Variants in PCDHGA1 observed in about 807,000 individuals in gnomAD.
PCDHGA1 encodes the protein protocadherin gamma subfamily A, 1.
A neutral mutation model predicts 58.0 loss-of-function variants in PCDHGA1; 32 were observed. The observed-to-expected ratio is 0.55, with a 90% CI of 0.42 to 0.74. PCDHGA1 has a LOEUF of 0.74. PCDHGA1 is among the 30% of genes least tolerant of loss of function. PCDHGA1 has a pLI of 0.00. For synonymous variants in PCDHGA1, 498 were observed against 501.1 expected (o/e 0.99, Z 0.08); for missense variants, 1,205 against 1,182.3 (o/e 1.02, Z -0.28).
chr5:141,482,530 C>CAAAAAAAAAAAAAAAAAA (rs3074545), intron 1 of PCDHGA1, among the ~76,000 whole-genome samples: 1 of 76,562 alleles, frequency 1.3e-5, no homozygotes, highest in Non-Finnish European at 2.6e-5. Flanking sequence ...GACAGACATG[C>CAAAAAAAAAAAAAAAAAA]AAAAAAAAAA....
intron 3 of PCDHGA1, among the ~76,000 whole-genome samples, chr5:141,507,714 C>T (rs1425955843): frequency 6.6e-6 from 1 of 152,280 alleles, no homozygotes; most frequent in Non-Finnish European, 1.5e-5. Flanking sequence ...GCCCCAAACC[C>T]TCCAAGCAAG....
rs774858191 is a variant in PCDHGA1 at position 141,413,689 on chromosome 5, C to T, written c.2421+80584C>T. On this transcript the variant is annotated intron_variant, in intron 1 of 3. Transcript: ENST00000517417. Reference sequence around the variant, plus strand: ...TCCGGATGTGGGCGTGAACTCCCTGCAGAGCTATCAGCTCAGCCCCAATAA... The same window carrying T: ...TCCGGATGTGGGCGTGAACTCCCTGTAGAGCTATCAGCTCAGCCCCAATAA... 6 of 1,613,800 alleles carry T rather than the reference C, an allele frequency of 3.7e-6. No individual in the cohort carries two copies. The Admixed American group carries it at 5.0e-5, about 13-fold the overall frequency.
At chr5:141,372,542 A>G in intron 1 of PCDHGA1, 1 of 1,613,892 alleles carries the variant, frequency 6.2e-7, no homozygotes, top group Non-Finnish European at 8.5e-7. Context: ...TGCGCCTGCG[A>G]TGCTCCTCCA....
At chr5:141,471,078 T>C (rs1370939177) in intron 1 of PCDHGA1, among the ~76,000 whole-genome samples, 1 of 142,250 alleles carries the variant, frequency 7.0e-6, no homozygotes, top group Non-Finnish European at 1.5e-5. Context: ...AGACAGGGTC[T>C]CCCTCTGTTG....
At chr5:141,381,826 C>CTTTTTTTTTTTTTTTT (rs770630741) in intron 1 of PCDHGA1, among the ~76,000 whole-genome samples, 8 of 74,282 alleles carry the variant, frequency 1.1e-4, no homozygotes, top group African/African-American at 1.9e-4. Flanking sequence ...CTTTCTTCTT[C>CTTTTTTTTTTTTTTTT]TTTTTTTTTT....
At chr5:141,398,742 G>GAGT (rs2093697710) in intron 1 of PCDHGA1, 1 of 1,613,726 alleles carries the variant, frequency 6.2e-7, no homozygotes, top group Non-Finnish European at 8.5e-7. Flanking sequence ...GGGAACAACA[G>GAGT]AGTTACCATC....
chr5:141,436,635 A>G (rs953396225), intron 1 of PCDHGA1, among the ~76,000 whole-genome samples: 8 of 152,184 alleles, frequency 5.3e-5, no homozygotes, highest in African/African-American at 1.9e-4. Context: ...ACAACATGCA[A>G]TTAATTAACA....
intron 1 of PCDHGA1, chr5:141,382,766 G>C (rs1015953757): frequency 5.7e-6 from 4 of 705,490 alleles, no homozygotes; most frequent in Admixed American, 2.7e-5. Flanking sequence ...CCTCTTCCAG[G>C]CTGCACTAAA....
intron 1 of PCDHGA1, among the ~76,000 whole-genome samples, chr5:141,469,392 T>C (rs2099199760): frequency 6.6e-6 from 1 of 152,046 alleles, no homozygotes; most frequent in South Asian, 2.1e-4. Flanking sequence ...CTGGCCAACA[T>C]GGTGAAACCC....
intron 1 of PCDHGA1, among the ~76,000 whole-genome samples, chr5:141,448,571 C>G (rs1207283773): frequency 6.6e-6 from 1 of 152,128 alleles, no homozygotes; most frequent in Non-Finnish European, 1.5e-5. Flanking sequence ...TTTTATTTCC[C>G]CATTTTTTTT....
At chr5:141,366,048 C>G (rs777611384) in intron 1 of PCDHGA1, 4 of 1,614,262 alleles carry the variant, frequency 2.5e-6, no homozygotes, top group Middle Eastern at 1.6e-4. Context: ...GACGGTTCCA[C>G]GGGCGTGGAG....
intron 1 of PCDHGA1, among the ~76,000 whole-genome samples, chr5:141,459,532 TA>T (rs1031834752): frequency 6.6e-5 from 10 of 152,354 alleles, no homozygotes; most frequent in East Asian, 3.9e-4. Context: ...TTTGTAGGCA[TA>T]TTTTTTTTAT....
At position 141,394,528 on chromosome 5, in the gene PCDHGA1, C is replaced by T. The variant is rs1465272752; in HGVS notation, c.2421+61423C>T. Reference sequence around the variant, plus strand: ...TACCCCGCCCTCCCCACAGACGGTTCCACTGGCGTGGAGCTGGCGCCCCGC... The same window carrying T: ...TACCCCGCCCTCCCCACAGACGGTTTCACTGGCGTGGAGCTGGCGCCCCGC... On this transcript the variant is annotated intron_variant, in intron 1 of 3. Transcript: ENST00000517417. 3 of 1,614,096 alleles carry T rather than the reference C, an allele frequency of 1.9e-6. No individual in the cohort carries two copies. The highest frequency in any genetic ancestry group is 2.5e-6 in the Non-Finnish European group (3 of 1,180,058).
chr5:141,473,299 G>T (rs182316672), intron 1 of PCDHGA1, among the ~76,000 whole-genome samples: 5 of 152,228 alleles, frequency 3.3e-5, no homozygotes, highest in Admixed American at 1.3e-4. Flanking sequence ...GTAGCATAAA[G>T]ATTGCTATAT....
chr5:141,332,520 C>T lies in PCDHGA1; in HGVS notation c.1836C>T (p.Ser612=), dbSNP rs770128704. 20 of 1,612,698 alleles carry T rather than the reference C, an allele frequency of 1.2e-5. No homozygotes were observed. Among genetic ancestry groups the T allele is most frequent in the Non-Finnish European group, 1.5e-5 (18 of 1,179,902 alleles). Residue 612 remains serine (S), a synonymous_variant, in exon 1 of 4, where the codon AGC becomes AGT. Coordinates refer to ENST00000517417, the MANE Select transcript of PCDHGA1 (RefSeq NM_018912.3). This position sits in a 1 kb window ranked among gnomAD's most constrained non-coding sequence, Gnocchi z 4.6. ...AWLSYRLLKA[S]EPGLFSVGLH... ...TGTCCTACCGCCTGCTCAAGGCCAG[C>T]GAGCCGGGACTCTTCTCGGTGGGTC...
intron 1 of PCDHGA1, among the ~76,000 whole-genome samples, chr5:141,352,985 T>TA (rs913354282): frequency 6.6e-6 from 1 of 152,130 alleles, no homozygotes; most frequent in African/African-American, 2.4e-5. Context: ...GGAAACTGTC[T>TA]AAAAAAACAA....
chr5:141,414,255 G>A (rs776584940), intron 1 of PCDHGA1: 12 of 1,613,350 alleles, frequency 7.4e-6, no homozygotes, highest in Non-Finnish European at 1.0e-5. Flanking sequence ...TTAGTCCAGT[G>A]ACTGAAGATT....
At chr5:141,426,955 C>T (rs1380917458) in intron 1 of PCDHGA1, 3 of 456,658 alleles carry the variant, frequency 6.6e-6, no homozygotes, top group South Asian at 1.5e-5. Flanking sequence ...ACTGGCACTG[C>T]TGCAATTCAA....
At chr5:141,470,025 A>T (rs2099219670) in intron 1 of PCDHGA1, among the ~76,000 whole-genome samples, 1 of 152,156 alleles carries the variant, frequency 6.6e-6, no homozygotes, top group African/African-American at 2.4e-5. Context: ...GCTACTCGGG[A>T]TGCTGAGGCG....
Sources: gnomAD v4.1 joint callset for allele counts (sites outside exome capture counted in the v4.1 genomes callset) on GRCh38, gnomAD v4.1.1 for gene constraint, Gnocchi (gnomAD v3.1) non-coding constraint, MANE v1.5 for transcripts, NCBI Gene and HGNC (gene_info 2026-07-23, HGNC 2026-07-21) for gene names.